CSMD2: variants seen among roughly 807,000 people sequenced by gnomAD.
The protein encoded by CSMD2 is CUB and Sushi multiple domains 2.
A neutral mutation model predicts 398.5 loss-of-function variants in CSMD2; 130 were observed. The ratio of observed to expected loss-of-function variants is 0.33; its 90% CI spans 0.28 to 0.38. CSMD2 has a LOEUF of 0.38. Among genes scored for constraint, CSMD2 ranks in the 10% least tolerant of loss-of-function variants. The pLI is 1.00. For synonymous variants in CSMD2, 1,828 were observed against 1,908.5 expected, an observed-to-expected ratio of 0.96 and a Z score of 1.10; for missense variants, 3,829 against 4,764.9, an observed-to-expected ratio of 0.80 and a Z score of 5.78.
Position 33,522,238 on chromosome 1 carries a change from C to T in CSMD2, c.10510-688G>A, listed in dbSNP as rs185686935. On this transcript the variant is annotated intron_variant, in intron 67 of 70. Coordinates refer to ENST00000373381, the MANE Select transcript of CSMD2 (RefSeq NM_001281956.2). ...AGGAGCAGCCTCTGTCTGCCCTCCG[C>T]AGCTGTCCCCGCAAACACACCTTGC... Among the ~76,000 whole-genome samples, 701 of 152,282 alleles carry T rather than the reference C, an allele frequency of 4.6e-3. 3 individuals are homozygous for T. The highest frequency in any genetic ancestry group is 7.5e-3 in the Non-Finnish European group (507 of 68,016).
intron 10 of CSMD2, among the ~76,000 whole-genome samples, chr1:33,798,366 A>C (rs1655198423): frequency 6.6e-6 from 1 of 152,246 alleles, no homozygotes; most frequent in Admixed American, 6.5e-5. Context: ...GCTTCCCATA[A>C]GTTATCTTGC....
At chr1:33,837,890 A>G (rs1660466394) in intron 6 of CSMD2, among the ~76,000 whole-genome samples, 1 of 152,212 alleles carries the variant, frequency 6.6e-6, no homozygotes, top group Non-Finnish European at 1.5e-5. Flanking sequence ...GTTAATTACA[A>G]GACATTTTCC....
At chr1:34,095,993 T>C (rs1659249489) in intron 1 of CSMD2, among the ~76,000 whole-genome samples, 1 of 152,168 alleles carries the variant, frequency 6.6e-6, no homozygotes. Context: ...TTGATGAACA[T>C]TGATGCAAAA....
chr1:33,606,457 CA>C (rs1158706899), intron 41 of CSMD2, among the ~76,000 whole-genome samples: 2 of 152,230 alleles, frequency 1.3e-5, no homozygotes, highest in South Asian at 2.1e-4. Flanking sequence ...AGGGAAGTCT[CA>C]GGGGGAGGAA....
In CSMD2 at chr1:33,567,578, G is replaced by A. The variant is rs779258502; in HGVS notation, c.8380+15C>T. The A allele has an allele frequency of 6.2e-7, 1 of 1,613,710 alleles. No homozygotes were observed. The highest frequency in any genetic ancestry group is 1.1e-5 in the South Asian group (1 of 91,022). ...TCTGAGCCCCATGACTAGGGAGAGT[G>A]GATGACATACTTACGCACACAGAAA... is the stretch of plus-strand genomic sequence containing the variant. On this transcript the variant is annotated intron_variant, in intron 53 of 70. Transcript: ENST00000373381.
intron 23 of CSMD2, among the ~76,000 whole-genome samples, chr1:33,700,270 G>C (rs760306189): frequency 5.2e-4 from 79 of 152,300 alleles, no homozygotes; most frequent in Non-Finnish European, 1.0e-3. Flanking sequence ...GCCTCCCAAA[G>C]TGCTGGGATT....
intron 1 of CSMD2, among the ~76,000 whole-genome samples, chr1:34,111,028 T>G (rs1661029179): frequency 6.6e-6 from 1 of 152,236 alleles, no homozygotes; most frequent in African/African-American, 2.4e-5. Flanking sequence ...TAGCACCCTA[T>G]GTAATTTACT....
At chr1:33,639,635 A>AGG (rs1642999126) in intron 29 of CSMD2, among the ~76,000 whole-genome samples, 1 of 152,206 alleles carries the variant, frequency 6.6e-6, no homozygotes, top group Non-Finnish European at 1.5e-5. Flanking sequence ...TTTGGCACAT[A>AGG]ATAGAGGCTT....
intron 2 of CSMD2, among the ~76,000 whole-genome samples, chr1:34,036,122 A>C (rs1189968852): frequency 6.7e-6 from 1 of 148,650 alleles, no homozygotes; most frequent in African/African-American, 2.5e-5. Context: ...TTTCTTTAAG[A>C]AAAAAAAAAC....
chr1:33,645,344 TACACACACACACACACACACACAC>T (rs4044501), intron 29 of CSMD2, among the ~76,000 whole-genome samples: 5 of 136,270 alleles, frequency 3.7e-5, no homozygotes, highest in African/African-American at 1.4e-4. Context: ...TGGAGCATTA[TACACACACACACACACACACACAC>T]ACACACACAC....
Position 33,636,343 on chromosome 1 carries a change from C to A in CSMD2, c.4969+17G>T, listed in dbSNP as rs756674918. 8 of 1,575,900 alleles carry A rather than the reference C, an allele frequency of 5.1e-6. No individual in the cohort carries two copies. Among genetic ancestry groups the A allele is most frequent in the Non-Finnish European group, 6.9e-6 (8 of 1,158,928 alleles). On this transcript the variant is annotated intron_variant, in intron 30 of 70. Transcript: ENST00000373381. This position sits in a 1 kb window ranked among gnomAD's most constrained non-coding sequence, Gnocchi z 4.8. ...CCTCAGTTCCTCAGACCCCTGCCAT[C>A]CCCAGGCTTCCACCACCTGTGCAGA...
At chr1:34,014,403 T>G (rs1463089523) in intron 3 of CSMD2, among the ~76,000 whole-genome samples, 1 of 152,226 alleles carries the variant, frequency 6.6e-6, no homozygotes, top group Non-Finnish European at 1.5e-5. Context: ...CAACTTTATC[T>G]CTTCCTACCA....
At chr1:34,011,310 G>A (rs777517244) in intron 3 of CSMD2, among the ~76,000 whole-genome samples, 1 of 152,174 alleles carries the variant, frequency 6.6e-6, no homozygotes, top group Non-Finnish European at 1.5e-5. Flanking sequence ...ACATATAAAG[G>A]TGGGTTGGGG....
In CSMD2 at chr1:33,726,673, C is replaced by T. The variant is rs146057182; in HGVS notation, c.2381G>A (p.Gly794Asp). Reference protein sequence around the residue: ...AVLRCEAPCGGHLTSPSGTIL... With the variant: ...AVLRCEAPCGDHLTSPSGTIL... The stretch of plus-strand genomic sequence containing the variant: ...GGTGCCGCTGGGCGAAGTCAGGTGA[C>T]CACCACAGGGAGCTGGGGGGACAGA... The change falls in exon 16 of 71, where the codon GGT (glycine) becomes GAT (aspartate). Residue 794 changes from glycine (G) to aspartate (D), a missense_variant. Around this residue, in one of 5 missense-constraint regions of CSMD2, gnomAD observed 2,001 missense variants for 2,567.1 expected, o/e 0.78. Transcript: ENST00000373381. The T allele has an allele frequency of 1.3e-4, 207 of 1,611,228 alleles. 2 individuals are homozygous for T. The highest frequency in any genetic ancestry group is 4.3e-4 in the South Asian group (39 of 90,884).
chr1:33,900,210 T>C (rs1336527858), intron 5 of CSMD2, among the ~76,000 whole-genome samples: 4 of 152,178 alleles, frequency 2.6e-5, no homozygotes, highest in African/African-American at 9.7e-5. Context: ...TGAAAGGCCT[T>C]GAGAGGGTCA....
At chr1:33,609,737 A>G (rs920490195) in intron 41 of CSMD2, among the ~76,000 whole-genome samples, 8 of 152,354 alleles carry the variant, frequency 5.3e-5, no homozygotes, top group Non-Finnish European at 1.2e-4. Context: ...ATATAGCTAC[A>G]GCAATATATA....
At chr1:33,657,392 T>C (rs1557684992) in intron 27 of CSMD2, among the ~76,000 whole-genome samples, 1 of 152,140 alleles carries the variant, frequency 6.6e-6, no homozygotes, top group African/African-American at 2.4e-5. Flanking sequence ...GAGTATCACT[T>C]GAGCTCAGGA....
intron 14 of CSMD2, among the ~76,000 whole-genome samples, chr1:33,739,677 C>T (rs927690860): frequency 6.6e-6 from 1 of 152,172 alleles, no homozygotes; most frequent in African/African-American, 2.4e-5. Context: ...GAAACTGAGG[C>T]TCAGTGTGGT....
chr1:33,745,707 G>C (rs1299788723), intron 13 of CSMD2, among the ~76,000 whole-genome samples: 1 of 152,110 alleles, frequency 6.6e-6, no homozygotes, highest in Non-Finnish European at 1.5e-5. Flanking sequence ...GACACATTCA[G>C]TCTCATCCCT....
Sources: gnomAD v4.1 joint callset for allele counts (sites outside exome capture counted in the v4.1 genomes callset) on GRCh38, gnomAD v4.1.1 for gene constraint, gnomAD v4.1.1 regional missense constraint, Gnocchi (gnomAD v3.1) non-coding constraint, MANE v1.5 for transcripts, NCBI Gene and HGNC (gene_info 2026-07-23, HGNC 2026-07-21) for gene names.